The following THNSL1 variants were observed in gnomAD, a reference collection of about 807,000 sequenced individuals.
THNSL1 encodes the protein threonine synthase-like 1.
In THNSL1, 48 loss-of-function variants were observed where a neutral mutation model predicts 50.4. The ratio of observed to expected loss-of-function variants is 0.95; its 90% CI spans 0.76 to 1.21. The LOEUF (loss-of-function observed/expected upper bound fraction) is 1.21, where lower values mean the gene tolerates loss of function less well. Among genes scored for constraint, THNSL1 ranks in the 50% most tolerant of loss-of-function variants. The probability of loss-of-function intolerance (pLI) is 0.00; values close to 1 mark genes in which losing one functional copy is unlikely to be tolerated. For synonymous variants in THNSL1, 309 were observed against 306.1 expected, an observed-to-expected ratio of 1.01 and a Z score of -0.10; for missense variants, 896 against 871.7, an observed-to-expected ratio of 1.03 and a Z score of -0.35.
the THNSL1 span, among the ~76,000 whole-genome samples, chr10:24,960,760 GT>G: frequency 0.15 from 22,226 of 150,134 alleles, 3,037 homozygotes; most frequent in African/African-American, 0.36. Flanking sequence ...CCTATTTTTT[GT>G]TTTTTTTTAA....
upstream of THNSL1, among the ~76,000 whole-genome samples, chr10:25,015,116 C>T (rs1310728307): frequency 6.6e-6 from 1 of 152,184 alleles, no homozygotes; most frequent in African/African-American, 2.4e-5. Flanking sequence ...CCACTACTTT[C>T]TTTGCTCCCC....
chr10:24,965,770 C>T, the THNSL1 span, among the ~76,000 whole-genome samples: 1 of 152,180 alleles, frequency 6.6e-6, no homozygotes, highest in Non-Finnish European at 1.5e-5. Flanking sequence ...TCCTTGTTCA[C>T]TAATAAGCTA....
chr10:24,969,082 C>G, the THNSL1 span, among the ~76,000 whole-genome samples: 23 of 152,272 alleles, frequency 1.5e-4, no homozygotes, highest in South Asian at 3.7e-3. Flanking sequence ...TTAGTAAAGA[C>G]AAGGTTTCAC....
At chr10:24,975,645 C>T in the THNSL1 span, among the ~76,000 whole-genome samples, 3 of 152,152 alleles carry the variant, frequency 2.0e-5, no homozygotes, top group Admixed American at 1.3e-4. Context: ...TTCCTACACA[C>T]GCTCTCTCAC....
chr10:25,020,238 ATATATC>A (rs1554772119), intron 1 of THNSL1, among the ~76,000 whole-genome samples: 4,919 of 126,616 alleles, frequency 0.039, 96 homozygotes, highest in Non-Finnish European at 0.054. Context: ...TTTCTTTAAA[ATATATC>A]TATATCTATA....
chr10:24,977,196 G>C, the THNSL1 span, among the ~76,000 whole-genome samples: 555 of 152,298 alleles, frequency 3.6e-3, 5 homozygotes, highest in African/African-American at 0.012. Flanking sequence ...GGCTGTGACA[G>C]AAGAAAACCA....
chr10:25,013,005 C>T (rs1395211569), upstream of THNSL1, among the ~76,000 whole-genome samples: 1 of 152,122 alleles, frequency 6.6e-6, no homozygotes, highest in Non-Finnish European at 1.5e-5. Context: ...TGGGTCTTTC[C>T]TGTGCTGCTC....
chr10:25,004,735 C>A, the THNSL1 span, among the ~76,000 whole-genome samples: 3 of 152,104 alleles, frequency 2.0e-5, no homozygotes, highest in African/African-American at 4.8e-5. Flanking sequence ...TTGATGGTTT[C>A]TTTTCCTGTG....
At chr10:24,975,594 G>A in the THNSL1 span, among the ~76,000 whole-genome samples, 7,130 of 152,086 alleles carry the variant, frequency 0.047, 434 homozygotes, top group African/African-American at 0.14. Context: ...GTGAGTTCTC[G>A]TGAGATCTCA....
rs1485586915 is a variant in THNSL1 at position 25,025,270 on chromosome 10, G to T, written c.2047G>T (p.Glu683Ter). 12 of 1,614,046 alleles carry T rather than the reference G, an allele frequency of 7.4e-6. No homozygotes were observed. In the Admixed American group the frequency reaches 1.0e-4, roughly 13 times the overall value. ...PAIMQALKIK[E>*]INETSSSQLY... Reference sequence around the variant, plus strand: ...TATCATGCAGGCTTTAAAGATTAAAGAAATCAATGAGACTTCATCAAGTCA... The same window carrying T: ...TATCATGCAGGCTTTAAAGATTAAATAAATCAATGAGACTTCATCAAGTCA... Residue 683 changes from glutamate to a stop codon, truncating the protein, a stop_gained, in exon 3 of 3, where the codon GAA becomes TAA. Coordinates refer to ENST00000376356, the MANE Select transcript of THNSL1 (RefSeq NM_024838.5). LOFTEE classifies it high-confidence loss of function.
rs1435873841 is a variant in THNSL1, at chr10:25,016,706, T to A, written c.-216+14T>A. The A allele has an allele frequency of 6.6e-6, 1 of 152,336 alleles. No homozygotes were observed. The highest frequency in any genetic ancestry group is 1.5e-5 in the Non-Finnish European group (1 of 68,160). The allele number at this position is 152,336 out of a possible 1,614,324, so 9.4% of individuals were successfully genotyped here. A position where few individuals can be genotyped will look rare whatever the true frequency, so the allele number is the denominator to read the frequency against. ...AGCTAGCTGCAGGTACGGTGCTCCG[T>A]CTCCTGTGGAGGCTTTAGCGGCTCG... On this transcript the variant is annotated intron_variant, in intron 1 of 2. Coordinates refer to ENST00000376356, the MANE Select transcript of THNSL1 (RefSeq NM_024838.5).
At chr10:24,956,095 G>T in the THNSL1 span, among the ~76,000 whole-genome samples, 1 of 152,082 alleles carries the variant, frequency 6.6e-6, no homozygotes, top group African/African-American at 2.4e-5. Flanking sequence ...TTCATAAAAA[G>T]GGATATTTTA....
chr10:25,005,220 T>TA, the THNSL1 span, among the ~76,000 whole-genome samples: 1 of 152,210 alleles, frequency 6.6e-6, no homozygotes, highest in Non-Finnish European at 1.5e-5. Flanking sequence ...ATTTTCTATT[T>TA]ATTATTAGAA....
the THNSL1 span, among the ~76,000 whole-genome samples, chr10:24,966,995 A>G: frequency 6.5e-4 from 99 of 152,288 alleles, no homozygotes; most frequent in South Asian, 5.6e-3. Context: ...AAAAGTCATA[A>G]CAATTTATTT....
At chr10:25,016,359 T>C (rs1850571685), upstream of THNSL1, among the ~76,000 whole-genome samples, 1 of 152,180 alleles carries the variant, frequency 6.6e-6, no homozygotes, top group Non-Finnish European at 1.5e-5. Context: ...TTTCTGTGTA[T>C]CTGGGGAAAA....
chr10:25,008,764 C>A, the THNSL1 span, among the ~76,000 whole-genome samples: 2 of 152,060 alleles, frequency 1.3e-5, no homozygotes, highest in African/African-American at 4.8e-5. Flanking sequence ...GGGTATATAC[C>A]CAAAGGACCA....
the THNSL1 span, among the ~76,000 whole-genome samples, chr10:25,006,832 C>T: frequency 1.3e-5 from 2 of 152,196 alleles, no homozygotes; most frequent in African/African-American, 4.8e-5. Context: ...AGATTTGTGT[C>T]TCGATCTCAG....
the THNSL1 span, among the ~76,000 whole-genome samples, chr10:24,960,089 G>A: frequency 7.0e-6 from 1 of 141,922 alleles, no homozygotes; most frequent in Non-Finnish European, 1.5e-5. Flanking sequence ...TCTCTCTCAT[G>A]TGTGAACAAA....
the THNSL1 span, among the ~76,000 whole-genome samples, chr10:25,006,969 A>T: frequency 6.6e-6 from 1 of 152,224 alleles, no homozygotes; most frequent in African/African-American, 2.4e-5. Context: ...TTAAATTCTA[A>T]TACATTGAAC....
Sources: allele counts gnomAD v4.1 joint callset (sites outside exome capture counted in the v4.1 genomes callset), GRCh38; gene constraint gnomAD v4.1.1; transcripts MANE v1.5; gene names NCBI Gene and HGNC (gene_info 2026-07-23, HGNC 2026-07-21).